HPF1: variants seen among roughly 807,000 people sequenced by gnomAD.
HPF1 encodes histone PARylation factor 1, also known as UPF0609 protein C4orf27.
HPF1 carries 35 observed loss-of-function variants against 38.8 expected under a neutral mutation model. The ratio of observed to expected loss-of-function variants is 0.90; its 90% CI spans 0.69 to 1.19. HPF1 has a LOEUF of 1.19. Among genes scored for constraint, HPF1 ranks in the 50% most tolerant of loss-of-function variants. The probability of loss-of-function intolerance (pLI) is 0.00; values close to 1 mark genes in which losing one functional copy is unlikely to be tolerated. For missense variants in HPF1, 367 were observed against 405.8 expected, an observed-to-expected ratio of 0.90 and a Z score of 0.82; for synonymous variants, 115 against 139.2, an observed-to-expected ratio of 0.83 and a Z score of 1.22.
chr4:169,751,402 CAAA>C (rs55661737), intron 2 of HPF1, among the ~76,000 whole-genome samples: 10 of 71,136 alleles, frequency 1.4e-4, no homozygotes, highest in Non-Finnish European at 6.3e-5. Flanking sequence ...GGCTCTGTCT[CAAA>C]AAAAAAAAAA....
chr4:169,746,416 G>C (rs1734047908), intron 4 of HPF1, among the ~76,000 whole-genome samples: 1 of 152,028 alleles, frequency 6.6e-6, no homozygotes, highest in Non-Finnish European at 1.5e-5. Context: ...TTTTTCAAAT[G>C]TTAACATTAA....
intron 1 of HPF1, among the ~76,000 whole-genome samples, chr4:169,756,020 C>A (rs1224881700): frequency 6.6e-6 from 1 of 152,096 alleles, no homozygotes; most frequent in East Asian, 1.9e-4. Context: ...AAATTACGTT[C>A]AACAAAAAGC....
At chr4:169,753,861 T>C in intron 1 of HPF1, 26 bp from the exon 2 acceptor site, 2 of 1,586,112 alleles carry the variant, frequency 1.3e-6, no homozygotes, top group South Asian at 1.1e-5. Context: ...CAAACTTTAG[T>C]TCTCCAAATT....
At chr4:169,757,337 A>AC (rs1409335332) in intron 1 of HPF1, among the ~76,000 whole-genome samples, 2 of 151,872 alleles carry the variant, frequency 1.3e-5, no homozygotes, top group East Asian at 3.9e-4. Flanking sequence ...CTTCTTTAAC[A>AC]CCCCCTGGGA....
chr4:169,748,958 CTTT>C (rs369228807), intron 3 of HPF1, 116 bp from the exon 4 acceptor site: 200 of 463,892 alleles, frequency 4.3e-4, no homozygotes, highest in East Asian at 6.3e-4. Flanking sequence ...TTTTGGAGGC[CTTT>C]TTTTTTTTTT....
intron 6 of HPF1, among the ~76,000 whole-genome samples, chr4:169,733,735 A>C (rs963720743): frequency 1.1e-4 from 17 of 152,154 alleles, no homozygotes; most frequent in Middle Eastern, 3.4e-3. Flanking sequence ...GTCTCTACAA[A>C]AAATAGAGAA....
rs1734070618 is a variant in HPF1, at chr4:169,748,043, A to T, written c.497+701T>A. 2.0e-5 allele frequency among the ~76,000 whole-genome samples: 3 copies of T among 152,200 alleles called. No individual in the cohort carries two copies. In the South Asian group the frequency reaches 6.2e-4, roughly 31 times the overall value. ...AGAGACAAAATCCACTGTGAGCCAC[A>T]CAACTGTCATTCCTGGAAGCTCAGC... On this transcript the variant is annotated intron_variant, in intron 4 of 7. Coordinates refer to ENST00000393381, the MANE Select transcript of HPF1 (RefSeq NM_017867.3).
chr4:169,736,301 G>A (rs1307721061), intron 6 of HPF1, among the ~76,000 whole-genome samples: 4 of 145,372 alleles, frequency 2.8e-5, no homozygotes, highest in Admixed American at 7.3e-5. Flanking sequence ...TCGGGAGGCC[G>A]AGACAGGTTA....
In HPF1 at chr4:169,753,028, G is replaced by GTTTT. The variant is rs71590035; in HGVS notation, c.208+644_208+647dup. Reference sequence around the variant, plus strand: ...ATGAACAGTTTATATCCTTGGTTAGGTTTTTTTTTTTTTTTTTTTTTCTGA... The same window carrying GTTTT: ...ATGAACAGTTTATATCCTTGGTTAGGTTTTTTTTTTTTTTTTTTTTTTTTTCTGA... On this transcript the variant is annotated intron_variant, in intron 2 of 7. Coordinates refer to ENST00000393381, the MANE Select transcript of HPF1 (RefSeq NM_017867.3). Among the ~76,000 whole-genome samples the GTTTT allele has an allele frequency of 7.0e-3, 731 of 103,878 alleles. 46 individuals are homozygous for GTTTT. Among genetic ancestry groups the GTTTT allele is most frequent in the Middle Eastern group, 0.02 (2 of 102 alleles). 68.1% of individuals were successfully genotyped at this position (103,878 alleles called of 152,430 possible). A position where few individuals can be genotyped will look rare whatever the true frequency, so the allele number is the denominator to read the frequency against.
rs116110133 is a variant in HPF1 at position 169,753,658 on chromosome 4, G to T, written c.208+18C>A. Reference sequence around the variant, plus strand: ...TTACTCTTTCCATTAATACAAGAATGATTCTGGAGCAACTCACCAGATGGC... The same window carrying T: ...TTACTCTTTCCATTAATACAAGAATTATTCTGGAGCAACTCACCAGATGGC... On this transcript the variant is annotated intron_variant, in intron 2 of 7. Coordinates refer to ENST00000393381, the MANE Select transcript of HPF1 (RefSeq NM_017867.3). 4,376 of 1,600,486 alleles carry T rather than the reference G, an allele frequency of 2.7e-3. 105 individuals are homozygous for T. In the African/African-American group the frequency reaches 0.049, roughly 18 times the overall value.
chr4:169,747,140 T>C (rs1734059994), intron 4 of HPF1, among the ~76,000 whole-genome samples: 1 of 150,168 alleles, frequency 6.7e-6, no homozygotes, highest in Non-Finnish European at 1.5e-5. Flanking sequence ...TTATGGAGCA[T>C]CTAGTATGGG....
At chr4:169,732,007 G>A in intron 6 of HPF1, 131 bp from the exon 7 acceptor site, 1 of 669,396 alleles carries the variant, frequency 1.5e-6, no homozygotes, top group Non-Finnish European at 2.5e-6. Flanking sequence ...GCCACCTTGG[G>A]TAGTAGTCTT....
At chr4:169,732,042 T>C in intron 6 of HPF1, 166 bp from the exon 7 acceptor site, 1 of 517,216 alleles carries the variant, frequency 1.9e-6, no homozygotes, top group South Asian at 3.1e-5. Context: ...AGAATGGCAA[T>C]TTGGTAACTT....
At chr4:169,752,475 C>T (rs1734132306) in intron 2 of HPF1, among the ~76,000 whole-genome samples, 1 of 151,988 alleles carries the variant, frequency 6.6e-6, no homozygotes, top group East Asian at 1.9e-4. Context: ...TAGTATAGTG[C>T]AAAGTAATGA....
intron 2 of HPF1, among the ~76,000 whole-genome samples, chr4:169,752,533 A>G (rs551979302): frequency 7.4e-4 from 112 of 152,328 alleles, no homozygotes; most frequent in Non-Finnish European, 1.3e-3. Flanking sequence ...CAAAATAAGC[A>G]CACAGAAAAG....
chr4:169,729,635 A>C lies in HPF1; in HGVS notation c.984T>G (p.Ile328Met), dbSNP rs776936278. The C allele has an allele frequency of 1.8e-5, 28 of 1,590,032 alleles. No homozygotes were observed. Among genetic ancestry groups the C allele is most frequent in the Middle Eastern group, 1.7e-4 (1 of 6,022 alleles). ...NLLKRNLFAE[I>M]IEEHLANRSQ... is the part of the protein sequence containing the mutation. ...TTCTGTTTGCCAGATGCTCCTCAAT[A>C]ATTTCTGCAAACAGATTCCTCTTCA... Residue 328 changes from isoleucine to methionine, a missense_variant, in exon 8 of 8, where the codon ATT becomes ATG. By Grantham distance (10) the Ile-to-Met change is conservative. Coordinates refer to ENST00000393381, the MANE Select transcript of HPF1 (RefSeq NM_017867.3).
Position 169,752,555 on chromosome 4 carries a change from A to G in HPF1, c.208+1121T>C, listed in dbSNP as rs116304790. ...AGCACACAGAAAAGTATACAGGGAT[A>G]TGTGTGTACTCTCTCTCCCCCATGC... On this transcript the variant is annotated intron_variant, in intron 2 of 7. Transcript: ENST00000393381. Among the ~76,000 whole-genome samples, 521 of 152,268 alleles carry G rather than the reference A, an allele frequency of 3.4e-3. 8 individuals carry two copies. Among genetic ancestry groups the G allele is most frequent in the African/African-American group, 0.012 (508 of 41,560 alleles).
chr4:169,732,840 A>G (rs1350910872), intron 6 of HPF1, among the ~76,000 whole-genome samples: 1 of 152,220 alleles, frequency 6.6e-6, no homozygotes, highest in Non-Finnish European at 1.5e-5. Flanking sequence ...TGTCTACTTT[A>G]TATTAGGTAT....
At chr4:169,746,975 ATTATG>A (rs565017729) in intron 4 of HPF1, among the ~76,000 whole-genome samples, 30 of 121,374 alleles carry the variant, frequency 2.5e-4, no homozygotes, top group African/African-American at 8.5e-4. Flanking sequence ...CATGACCACT[ATTATG>A]TTATCTTTTT....
Sources: gnomAD v4.1 joint callset for allele counts (sites outside exome capture counted in the v4.1 genomes callset) on GRCh38, gnomAD v4.1.1 for gene constraint, MANE v1.5 for transcripts, NCBI Gene and HGNC (gene_info 2026-07-23, HGNC 2026-07-21) for gene names.